ITM2C: variants seen among roughly 807,000 people sequenced by gnomAD.
ITM2C encodes the protein integral membrane protein 2C.
A neutral mutation model predicts 30.0 loss-of-function variants in ITM2C; 20 were observed. The ratio of observed to expected loss-of-function variants is 0.67; its 90% confidence interval spans 0.47 to 0.97. The LOEUF (loss-of-function observed/expected upper bound fraction) is 0.97. Ranked by LOEUF, ITM2C falls within the 50% of genes least tolerant of loss-of-function variation. The pLI is 0.00. For missense variants in ITM2C, 366 were observed against 371.9 expected (o/e 0.98, Z 0.13); for synonymous variants, 167 against 156.4 (o/e 1.07, Z -0.51).
At position 230,879,044 on chromosome 2, in the gene ITM2C, A is replaced by G. The variant is rs1690024825; in HGVS notation, c.*945A>G. On this transcript the variant is annotated 3_prime_UTR_variant, in exon 6 of 6. Coordinates refer to ENST00000326427, the MANE Select transcript of ITM2C (RefSeq NM_030926.6). The stretch of plus-strand genomic sequence containing the variant: ...CATCCCCCTCAGCTTAGGGGAATGC[A>G]CCTTTTTCCCTTTCCTTCTCACTTT... 6.6e-6 allele frequency: 1 copy of G among 152,558 alleles called. No homozygotes were observed. Among genetic ancestry groups the G allele is most frequent in the Non-Finnish European group, 1.5e-5 (1 of 68,024 alleles). 9.5% of individuals were successfully genotyped at this position (152,558 alleles called of 1,614,324 possible).
chr2:230,874,560 G>C (rs1210372298), intron 2 of ITM2C, among the ~76,000 whole-genome samples: 1 of 152,126 alleles, frequency 6.6e-6, no homozygotes, highest in African/African-American at 2.4e-5. Context: ...CCTCCCAGCA[G>C]CCCCTGGGTC....
intron 1 of ITM2C, among the ~76,000 whole-genome samples, chr2:230,868,881 C>T (rs1157726812): frequency 2.6e-5 from 4 of 152,232 alleles, no homozygotes; most frequent in Non-Finnish European, 5.9e-5. Context: ...CCTGTGGCAG[C>T]GTGGGGACTT....
chr2:230,872,718 C>T (rs1181211716), intron 1 of ITM2C, among the ~76,000 whole-genome samples: 4 of 152,086 alleles, frequency 2.6e-5, no homozygotes, highest in Non-Finnish European at 5.9e-5. Flanking sequence ...CTGTGGGGGG[C>T]CAGTGTGGAT....
upstream of ITM2C, among the ~76,000 whole-genome samples, chr2:230,864,235 CA>C (rs763894541): frequency 2.7e-4 from 41 of 152,268 alleles, no homozygotes; most frequent in African/African-American, 5.1e-4. This position sits in a 1 kb window ranked among gnomAD's most constrained non-coding sequence, Gnocchi z 4.3. Flanking sequence ...TTCAGGAGGT[CA>C]CCCAATAACT....
chr2:230,876,992 C>T, intron 4 of ITM2C, 25 bp downstream of exon 4: 1 of 1,433,670 alleles, frequency 7.0e-7, no homozygotes, highest in South Asian at 1.1e-5. Flanking sequence ...GGGGGGATGT[C>T]TGCAGCATCC....
chr2:230,868,106 GAGCA>G (rs1196997201), intron 1 of ITM2C, among the ~76,000 whole-genome samples: 1 of 152,130 alleles, frequency 6.6e-6, no homozygotes, highest in Non-Finnish European at 1.5e-5. Flanking sequence ...GAGGCGGCAG[GAGCA>G]CCCTCTCGGT....
Position 230,876,886 on chromosome 2 carries a change from G to C in ITM2C, c.480G>C (p.Leu160=), listed in dbSNP as rs1390621927. 1.9e-6 allele frequency: 3 copies of C among 1,613,862 alleles called. No homozygotes were observed. The South Asian group carries it at 3.3e-5, about 18-fold the overall frequency. The change falls in exon 4 of 6, where the codon CTG becomes CTC. Residue 160 remains leucine (L), a synonymous_variant. Transcript: ENST00000326427. ...RGLTAYHDIS[L]DKCYVIELNT... is the part of the protein sequence containing the mutation. ...TGACTGCGTACCATGATATCTCCCT[G>C]GACAAGTGCTATGTCATCGAACTCA...
At chr2:230,866,274 C>T (rs113639749) in intron 1 of ITM2C, among the ~76,000 whole-genome samples, 3 of 152,262 alleles carry the variant, frequency 2.0e-5, no homozygotes, top group African/African-American at 7.2e-5. Context: ...TTGTCCACTG[C>T]TTCCCCACTT....
In ITM2C at chr2:230,875,731, A is replaced by T; in HGVS notation, c.373A>T (p.Asn125Tyr). 1 of 1,612,650 alleles carries T rather than the reference A, an allele frequency of 6.2e-7. No homozygotes were observed. Among genetic ancestry groups the T allele is most frequent in the Non-Finnish European group, 8.5e-7 (1 of 1,179,434 alleles). Residue 125 changes from asparagine (N) to tyrosine (Y), a missense_variant, in exon 3 of 6, where the codon AAC (asparagine) becomes TAC (tyrosine). By Grantham distance (143) the Asn-to-Tyr change is moderately radical. Transcript: ENST00000326427. ...GGATGTGAAAATCTACCTCGACGAG[A>T]ACTACGAGCGCATCAACGTGCCTGT... ...EEDVKIYLDE[N>Y]YERINVPVPQ...
intron 1 of ITM2C, among the ~76,000 whole-genome samples, chr2:230,871,647 A>T (rs555475671): frequency 2.6e-5 from 4 of 152,358 alleles, no homozygotes; most frequent in Admixed American, 2.6e-4. Flanking sequence ...TGGGCCAGGC[A>T]GTGCGGGCAG....
upstream of ITM2C, chr2:230,864,776 C>T (rs1327808288): frequency 2.2e-5 from 5 of 229,672 alleles, no homozygotes. The surrounding 1 kb of genome is among the most constrained non-coding windows in gnomAD (Gnocchi z 4.3). Flanking sequence ...GAACTCCGAC[C>T]CGCCCCAGGT....
intron 2 of ITM2C, among the ~76,000 whole-genome samples, chr2:230,875,204 G>A (rs1301441539): frequency 2.0e-5 from 3 of 152,176 alleles, no homozygotes; most frequent in South Asian, 2.1e-4. Flanking sequence ...TGGAGGGCAC[G>A]GAGGTGGCCA....
chr2:230,870,777 C>G (rs909788097), intron 1 of ITM2C, among the ~76,000 whole-genome samples: 2 of 152,038 alleles, frequency 1.3e-5, no homozygotes, highest in Admixed American at 1.3e-4. Flanking sequence ...AAAGGCGAGG[C>G]TGCCCTTTGC....
At chr2:230,875,337 C>T (rs777228587) in intron 2 of ITM2C, among the ~76,000 whole-genome samples, 13 of 152,184 alleles carry the variant, frequency 8.5e-5, no homozygotes, top group Non-Finnish European at 1.8e-4. Flanking sequence ...AGAGGTCTGC[C>T]ACCTAGAACC....
In ITM2C at chr2:230,864,984, A is replaced by G; in HGVS notation, c.-42A>G. The G allele has an allele frequency of 7.0e-7, 1 of 1,426,166 alleles. No homozygotes were observed. The allele number at this position is 1,426,166 out of a possible 1,614,324, so 88.3% of individuals were successfully genotyped here. A position where few individuals can be genotyped will look rare whatever the true frequency, so the allele number is the denominator to read the frequency against. On this transcript the variant is annotated 5_prime_UTR_variant, in exon 1 of 6. Coordinates refer to ENST00000326427, the MANE Select transcript of ITM2C (RefSeq NM_030926.6). This position sits in a 1 kb window ranked among gnomAD's most constrained non-coding sequence, Gnocchi z 4.3. ...CGGCGGAGGCAGAGACCGAGGCTGC[A>G]CCGGCAGAGGCTGCGGGGCGGACGC...
chr2:230,869,201 T>C (rs1479321240), intron 1 of ITM2C, among the ~76,000 whole-genome samples: 2 of 152,090 alleles, frequency 1.3e-5, no homozygotes, highest in African/African-American at 4.8e-5. Context: ...GGAGATGCCT[T>C]GACTATCAGG....
At chr2:230,869,942 G>A (rs1697124000) in intron 1 of ITM2C, among the ~76,000 whole-genome samples, 1 of 152,222 alleles carries the variant, frequency 6.6e-6, no homozygotes, top group Non-Finnish European at 1.5e-5. Flanking sequence ...CTAAATGGGA[G>A]CCCCCCTCCT....
intron 1 of ITM2C, among the ~76,000 whole-genome samples, chr2:230,871,371 C>T (rs112968243): frequency 3.9e-5 from 6 of 152,240 alleles, no homozygotes; most frequent in African/African-American, 1.4e-4. Flanking sequence ...CTGGGTGGTT[C>T]GATCCCTGGG....
In ITM2C at chr2:230,868,265, CT is replaced by C. The variant is rs150379877; in HGVS notation, c.120+3121del. Among the ~76,000 whole-genome samples the C allele has an allele frequency of 6.5e-3, 993 of 152,266 alleles. 10 individuals carry two copies. The highest frequency in any genetic ancestry group is 0.023 in the African/African-American group (950 of 41,564). ...GCTTCCAGCTGCCCGGCCTCCCCCC[CT>C]GGTGTTTTGACTCTGAGATAATGAG... On this transcript the variant is annotated intron_variant, in intron 1 of 5. Coordinates refer to ENST00000326427, the MANE Select transcript of ITM2C (RefSeq NM_030926.6).
Sources: allele counts gnomAD v4.1 joint callset (sites outside exome capture counted in the v4.1 genomes callset), GRCh38; gene constraint gnomAD v4.1.1; non-coding constraint Gnocchi (gnomAD v3.1); transcripts MANE v1.5; gene names NCBI Gene and HGNC (gene_info 2026-07-23, HGNC 2026-07-21).